The following FRMD4A variants were observed in gnomAD, a reference collection of about 807,000 sequenced individuals.
FRMD4A encodes FERM domain-containing protein 4A.
A neutral mutation model predicts 129.1 loss-of-function variants in FRMD4A; 29 were observed. That is an observed-to-expected ratio of 0.22 (90% CI 0.17 to 0.31). The LOEUF (loss-of-function observed/expected upper bound fraction) is 0.31, where lower values mean the gene tolerates loss of function less well. Ranked by LOEUF, FRMD4A falls within the 10% of genes least tolerant of loss-of-function variation. The probability of loss-of-function intolerance (pLI) is 1.00; values close to 1 mark genes in which losing one functional copy is unlikely to be tolerated. For synonymous variants in FRMD4A, 634 were observed against 571.6 expected (o/e 1.11, Z -1.56); for missense variants, 1,272 against 1,375.8 (o/e 0.92, Z 1.19).
chr10:14,226,328 C>A (rs182329181), intron 2 of FRMD4A, among the ~76,000 whole-genome samples: 3 of 152,156 alleles, frequency 2.0e-5, no homozygotes, highest in Admixed American at 2.0e-4. Context: ...CAACAGCTCA[C>A]TGTACCTCTC....
intron 2 of FRMD4A, among the ~76,000 whole-genome samples, chr10:14,309,691 C>CAGTG (rs1846474219): frequency 6.6e-6 from 1 of 152,088 alleles, no homozygotes; most frequent in South Asian, 2.1e-4. Flanking sequence ...CCATATCTAA[C>CAGTG]AGTGGGTCCA....
At chr10:14,296,855 C>G (rs1846025908) in intron 2 of FRMD4A, among the ~76,000 whole-genome samples, 1 of 152,140 alleles carries the variant, frequency 6.6e-6, no homozygotes, top group South Asian at 2.1e-4. Flanking sequence ...CCCTTTCCCC[C>G]CAGTTCTCAT....
rs982545936 is a variant in FRMD4A, at chr10:13,848,829, C to A, written c.111+10018G>T. On this transcript the variant is annotated intron_variant, in intron 3 of 24. Coordinates refer to ENST00000357447, the MANE Select transcript of FRMD4A (RefSeq NM_018027.5). Reference sequence around the variant, plus strand: ...ATGGATCGTGTCTCCTCCCTCCTTACCAAGGGGGAAACGACTTAGCTGCTT... The same window carrying A: ...ATGGATCGTGTCTCCTCCCTCCTTAACAAGGGGGAAACGACTTAGCTGCTT... Among the ~76,000 whole-genome samples the A allele has an allele frequency of 2.6e-5, 4 of 152,168 alleles. No individual in the cohort carries two copies. The East Asian group carries it at 7.7e-4, about 29-fold the overall frequency.
At chr10:13,705,495 T>G (rs1273593009) in intron 13 of FRMD4A, among the ~76,000 whole-genome samples, 1 of 152,218 alleles carries the variant, frequency 6.6e-6, no homozygotes, top group African/African-American at 2.4e-5. Context: ...CCCCTCATTT[T>G]TATCCTATGG....
chr10:13,805,477 TATTTACAGC>T (rs2130859183), intron 4 of FRMD4A, among the ~76,000 whole-genome samples: 1 of 152,306 alleles, frequency 6.6e-6, no homozygotes, highest in South Asian at 2.1e-4. Flanking sequence ...AAAAGATACT[TATTTACAGC>T]ATTTAACAAG....
At chr10:13,781,137 C>T (rs10906476) in intron 6 of FRMD4A, among the ~76,000 whole-genome samples, 118,185 of 151,458 alleles carry the variant, frequency 0.78, 46,807 homozygotes, top group East Asian at 0.95. Flanking sequence ...ACCCTGTCTC[C>T]ATAAACAAAT....
At chr10:13,877,829 T>A (rs2797881) in intron 2 of FRMD4A, among the ~76,000 whole-genome samples, 141,134 of 152,264 alleles carry the variant, frequency 0.93, 65,538 homozygotes, top group East Asian at 0.98. Context: ...TTCATGGAGA[T>A]CTGCCCCTGG....
At chr10:13,674,398 G>A (rs1424040557) in intron 16 of FRMD4A, among the ~76,000 whole-genome samples, 2 of 152,146 alleles carry the variant, frequency 1.3e-5, no homozygotes, top group African/African-American at 2.4e-5. Context: ...GGGACTTGTC[G>A]CTTGGACTCC....
At position 13,707,271 on chromosome 10, in the gene FRMD4A, CAT is replaced by C. The variant is rs1589472628; in HGVS notation, c.760-160_760-159del. ...GCCTCTTGCTTGACACACACACACA[CAT>C]ACACACACACACGCAGCTCTCCAGT... is the stretch of plus-strand genomic sequence containing the variant. On this transcript the variant is annotated intron_variant, in intron 12 of 24. Coordinates refer to ENST00000357447, the MANE Select transcript of FRMD4A (RefSeq NM_018027.5). 6.7e-5 allele frequency: 52 copies of C among 773,896 alleles called. No homozygotes were observed. The East Asian group carries it at 9.8e-4, about 15-fold the overall frequency. The allele number at this position is 773,896 out of a possible 1,614,324, so 47.9% of individuals were successfully genotyped here.
chr10:13,693,684 G>GGT, intron 15 of FRMD4A: 1 of 678,660 alleles, frequency 1.5e-6, no homozygotes, highest in African/African-American at 2.2e-5. Flanking sequence ...TTCTACTGAT[G>GGT]CTTTTTTTTT....
intron 2 of FRMD4A, among the ~76,000 whole-genome samples, chr10:14,066,862 C>T (rs567164291): frequency 1.1e-4 from 17 of 152,096 alleles, no homozygotes; most frequent in Non-Finnish European, 2.4e-4. Context: ...CTTTCCGTTC[C>T]GACTAATGGA....
intron 2 of FRMD4A, among the ~76,000 whole-genome samples, chr10:14,321,126 C>A (rs1325620346): frequency 1.3e-5 from 2 of 152,070 alleles, no homozygotes; most frequent in African/African-American, 4.8e-5. Context: ...GACTTTCTGT[C>A]TGGTTCACCA....
At chr10:14,193,700 A>C (rs1468624160) in intron 2 of FRMD4A, among the ~76,000 whole-genome samples, 1 of 150,960 alleles carries the variant, frequency 6.6e-6, no homozygotes, top group Non-Finnish European at 1.5e-5. Context: ...AAAAAAAAAA[A>C]CTACAAATAA....
At chr10:13,703,739 T>G (rs913350632) in intron 13 of FRMD4A, among the ~76,000 whole-genome samples, 3 of 152,166 alleles carry the variant, frequency 2.0e-5, no homozygotes, top group Admixed American at 6.6e-5. Context: ...AAGAGAGGAC[T>G]TGCAATGATA....
chr10:14,110,075 G>A (rs746615120), intron 2 of FRMD4A, among the ~76,000 whole-genome samples: 2 of 137,866 alleles, frequency 1.5e-5, no homozygotes, highest in Admixed American at 1.6e-4. Flanking sequence ...GCTGCAGTGA[G>A]CTGAGATTGC....
chr10:13,968,262 A>T (rs897215932), intron 2 of FRMD4A, among the ~76,000 whole-genome samples: 1 of 152,248 alleles, frequency 6.6e-6, no homozygotes, highest in Non-Finnish European at 1.5e-5. Flanking sequence ...ATCCAGAGCC[A>T]TCAGCCATCG....
intron 8 of FRMD4A, among the ~76,000 whole-genome samples, chr10:13,749,811 G>C (rs1406897925): frequency 6.6e-6 from 1 of 151,750 alleles, no homozygotes; most frequent in East Asian, 1.9e-4. Context: ...CAACATAGTG[G>C]GATCCTGTCT....
At chr10:14,080,898 A>C (rs1369551635) in intron 2 of FRMD4A, among the ~76,000 whole-genome samples, 1 of 151,714 alleles carries the variant, frequency 6.6e-6, no homozygotes, top group African/African-American at 2.4e-5. Context: ...AAGAAAAGAA[A>C]GGCACTCTGT....
chr10:13,795,889 A>T (rs1390465471), intron 5 of FRMD4A, among the ~76,000 whole-genome samples: 1 of 152,204 alleles, frequency 6.6e-6, no homozygotes, highest in Non-Finnish European at 1.5e-5. Context: ...AATATTAACT[A>T]TTTAAATCAC....
Sources: gnomAD v4.1 joint callset for allele counts (sites outside exome capture counted in the v4.1 genomes callset) on GRCh38, gnomAD v4.1.1 for gene constraint, MANE v1.5 for transcripts, NCBI Gene and HGNC (gene_info 2026-07-23, HGNC 2026-07-21) for gene names.